Variants in RBFOX1 observed in about 807,000 individuals in gnomAD.
RBFOX1 encodes the protein RNA binding fox-1 homolog 1, also known as RNA binding protein fox-1 homolog 1.
A neutral mutation model predicts 57.7 loss-of-function variants in RBFOX1; 8 were observed. That is an observed-to-expected ratio of 0.14 (90% CI 0.08 to 0.25). The LOEUF is 0.25. Ranked by LOEUF, RBFOX1 falls within the 10% of genes least tolerant of loss-of-function variation. RBFOX1 has a pLI of 1.00. For missense variants in RBFOX1, 611 were observed against 548.5 expected, an observed-to-expected ratio of 1.11 and a Z score of -1.14; for synonymous variants, 326 against 222.4, an observed-to-expected ratio of 1.47 and a Z score of -4.15.
At chr16:5,914,706 C>A (rs1448690372) in intron 4 of RBFOX1, among the ~76,000 whole-genome samples, 1 of 152,096 alleles carries the variant, frequency 6.6e-6, no homozygotes, top group African/African-American at 2.4e-5. Flanking sequence ...ACCATCCTGG[C>A]TAACATGGTG....
intron 1 of RBFOX1, among the ~76,000 whole-genome samples, chr16:5,452,705 G>C (rs550294671): frequency 1.3e-5 from 2 of 151,222 alleles, no homozygotes; most frequent in South Asian, 2.1e-4. Context: ...GTGCAATGGC[G>C]TGGTCCTGGC....
intron 1 of RBFOX1, among the ~76,000 whole-genome samples, chr16:5,394,198 A>G: frequency 6.6e-6 from 1 of 151,810 alleles, no homozygotes; most frequent in South Asian, 2.1e-4. Flanking sequence ...TAATTTTTGT[A>G]TTTTTAGTAG....
At chr16:7,195,397 A>G (rs1470038893) in intron 4 of RBFOX1, among the ~76,000 whole-genome samples, 2 of 152,206 alleles carry the variant, frequency 1.3e-5, no homozygotes, top group Non-Finnish European at 2.9e-5. Context: ...TATCAAAGAC[A>G]TATTGAGAGG....
exon 3 of RBFOX1, chr16:5,599,601 GGAT>G: frequency 4.6e-6 from 1 of 218,912 alleles, no homozygotes; most frequent in Non-Finnish European, 9.0e-6. Context: ...GGTGACCTTG[GGAT>G]GGCACCTTCA....
At chr16:7,131,220 C>T (rs1383494601) in intron 4 of RBFOX1, among the ~76,000 whole-genome samples, 1 of 151,862 alleles carries the variant, frequency 6.6e-6, no homozygotes, top group African/African-American at 2.4e-5. Context: ...GTATCGCACA[C>T]CTGTAGTCTC....
chr16:6,893,744 T>C (rs1486260419), intron 3 of RBFOX1, among the ~76,000 whole-genome samples: 1 of 152,234 alleles, frequency 6.6e-6, no homozygotes, highest in Non-Finnish European at 1.5e-5. Context: ...TTTGCATTTA[T>C]CATGAAGACC....
chr16:5,319,109 AG>A (rs1258982604), intron 1 of RBFOX1, among the ~76,000 whole-genome samples: 1 of 151,724 alleles, frequency 6.6e-6, no homozygotes, highest in East Asian at 1.9e-4. Context: ...CCTGGGCAAC[AG>A]AGTAAGACTC....
chr16:6,567,156 C>G (rs950864736), intron 2 of RBFOX1, among the ~76,000 whole-genome samples: 2 of 152,140 alleles, frequency 1.3e-5, no homozygotes, highest in African/African-American at 2.4e-5. Flanking sequence ...ATAATGTTGA[C>G]CCAGTCTTGG....
At position 6,962,268 on chromosome 16, in the gene RBFOX1, A is replaced by G. The variant is rs189844752; in HGVS notation, c.-15-89789A>G. Among the ~76,000 whole-genome samples the G allele has an allele frequency of 7.0e-4, 107 of 152,190 alleles. 1 individual carries two copies. The highest frequency in any genetic ancestry group is 2.5e-3 in the African/African-American group (103 of 41,534). ...AGACCTCCCTCTCCTTTCTCTTACA[A>G]AAAGACTAGTCATTGGCCCACCCTA... On this transcript the variant is annotated intron_variant, in intron 3 of 15. Transcript: ENST00000550418.
chr16:6,142,248 G>A (rs1267651850), intron 1 of RBFOX1, among the ~76,000 whole-genome samples: 4 of 133,238 alleles, frequency 3.0e-5, no homozygotes, highest in East Asian at 2.2e-4. Flanking sequence ...TGGAGACGGA[G>A]TCTTGCTCTG....
intron 2 of RBFOX1, among the ~76,000 whole-genome samples, chr16:6,434,106 C>T (rs572226976): frequency 9.2e-5 from 14 of 152,134 alleles, no homozygotes; most frequent in South Asian, 4.2e-4. Context: ...CTTTGGCCTC[C>T]GAAAATCTTG....
Position 6,835,038 on chromosome 16 carries a change from G to A in RBFOX1, c.-16+180388G>A, listed in dbSNP as rs183196105. 2.5e-3 allele frequency among the ~76,000 whole-genome samples: 386 copies of A among 151,914 alleles called. 1 individual carries two copies. The highest frequency in any genetic ancestry group is 6.6e-3 in the African/African-American group (275 of 41,442). The stretch of plus-strand genomic sequence containing the variant: ...CTCCTGAGTAGCTGGGACTGTAGGC[G>A]CCCAACACCATGCCCCGGCTAATTT... On this transcript the variant is annotated intron_variant, in intron 3 of 15. Transcript: ENST00000550418.
rs558628932 is a variant in RBFOX1 at position 7,489,486 on chromosome 16, T to G, written c.28-28661T>G. ...GTTCCTATTTTGGAGATTAAAAAACTGAGGCTTGGAGAGAGAATTATTATT... is the reference window on the plus strand; with the variant it reads ...GTTCCTATTTTGGAGATTAAAAAACGGAGGCTTGGAGAGAGAATTATTATT... On this transcript the variant is annotated intron_variant, in intron 4 of 15. Coordinates refer to ENST00000550418, the MANE Select transcript of RBFOX1 (RefSeq NM_018723.4). Among the ~76,000 whole-genome samples the G allele has an allele frequency of 1.9e-4, 28 of 150,080 alleles. No homozygotes were observed. In the East Asian group the frequency reaches 5.6e-3, roughly 30 times the overall value.
intron 4 of RBFOX1, among the ~76,000 whole-genome samples, chr16:7,418,960 A>T (rs1269788550): frequency 1.3e-5 from 2 of 152,102 alleles, no homozygotes; most frequent in African/African-American, 4.8e-5. Context: ...GTTGGAGTGC[A>T]GTGGCACAAT....
intron 14 of RBFOX1, among the ~76,000 whole-genome samples, chr16:7,680,067 G>A (rs1345849911): frequency 6.6e-6 from 1 of 152,168 alleles, no homozygotes; most frequent in African/African-American, 2.4e-5. Context: ...TGGCAGAGGG[G>A]CCTTTGGTCA....
At chr16:6,336,311 T>C (rs923898045) in intron 2 of RBFOX1, among the ~76,000 whole-genome samples, 4 of 145,482 alleles carry the variant, frequency 2.7e-5, no homozygotes, top group Non-Finnish European at 6.0e-5. Flanking sequence ...CCATTCTGCC[T>C]CAGCCTCCCG....
chr16:5,905,815 C>A (rs902758525), intron 4 of RBFOX1, among the ~76,000 whole-genome samples: 3 of 152,138 alleles, frequency 2.0e-5, no homozygotes, highest in Admixed American at 2.0e-4. Context: ...AAAACTGATC[C>A]ACTCCCAAGC....
At chr16:5,894,576 C>G (rs1307998827) in intron 4 of RBFOX1, among the ~76,000 whole-genome samples, 3 of 152,038 alleles carry the variant, frequency 2.0e-5, no homozygotes, top group Non-Finnish European at 2.9e-5. Context: ...TGCCCTGTTA[C>G]TAAAAACATT....
At chr16:7,178,218 A>G (rs1049554032) in intron 4 of RBFOX1, among the ~76,000 whole-genome samples, 15 of 152,226 alleles carry the variant, frequency 9.9e-5, no homozygotes, top group African/African-American at 2.9e-4. Flanking sequence ...TTTCCTCCAC[A>G]CAGTGACCTA....
Sources: allele counts gnomAD v4.1 joint callset (sites outside exome capture counted in the v4.1 genomes callset), GRCh38; gene constraint gnomAD v4.1.1; transcripts MANE v1.5; gene names NCBI Gene and HGNC (gene_info 2026-07-23, HGNC 2026-07-21).